The following CAPN14 variants were observed in gnomAD, a reference collection of about 807,000 sequenced individuals.
CAPN14 encodes the protein calpain 14.
A neutral mutation model predicts 101.3 loss-of-function variants in CAPN14; 94 were observed. That is an observed-to-expected ratio of 0.93 (90% confidence interval 0.79 to 1.10). CAPN14 has a LOEUF of 1.10. CAPN14 is among the 50% of genes least tolerant of loss of function. CAPN14 has a pLI of 0.00. For missense variants in CAPN14, 837 were observed against 828.4 expected, an observed-to-expected ratio of 1.01 and a Z score of -0.13; for synonymous variants, 338 against 317.9, an observed-to-expected ratio of 1.06 and a Z score of -0.67.
chr2:31,177,830 A>C lies in CAPN14; in HGVS notation c.1780-9T>G, dbSNP rs1206500259. ...TGCTTGTGGAAAACCTTCTGCAAAG[A>C]ACCAAATAAGAGGTTCAGGAAGCCA... On this transcript the variant is annotated splice_polypyrimidine_tract_variant and intron_variant, in intron 18 of 21. Transcript: ENST00000403897. The C allele has an allele frequency of 2.6e-6, 4 of 1,550,994 alleles. No homozygotes were observed. The highest frequency in any genetic ancestry group is 3.5e-6 in the Non-Finnish European group (4 of 1,146,236).
intron 1 of CAPN14, among the ~76,000 whole-genome samples, chr2:31,227,054 C>T (rs1683043348): frequency 6.6e-6 from 1 of 152,166 alleles, no homozygotes; most frequent in Non-Finnish European, 1.5e-5. Flanking sequence ...AACACCTGTG[C>T]TACAAAAGCA....
intron 17 of CAPN14, among the ~76,000 whole-genome samples, 178 bp downstream of exon 17, chr2:31,180,758 G>C (rs1010394126): frequency 1.3e-5 from 2 of 152,174 alleles, no homozygotes; most frequent in African/African-American, 4.8e-5. Context: ...TACCAAGTAA[G>C]TTTCAACACT....
At chr2:31,214,183 T>C (rs1381599179) in intron 1 of CAPN14, among the ~76,000 whole-genome samples, 2 of 152,190 alleles carry the variant, frequency 1.3e-5, no homozygotes, top group African/African-American at 2.4e-5. Flanking sequence ...TGCTGGCCAA[T>C]TGACTCACTG....
chr2:31,173,182 T>C lies in CAPN14; in HGVS notation c.*1499A>G, dbSNP rs776537232. On this transcript the variant is annotated 3_prime_UTR_variant, in exon 22 of 22. Transcript: ENST00000403897. ...AAGGCTGTAAATACATGATCATCAT[T>C]TATAAAATCAACAACATCTCATGTA... is the stretch of plus-strand genomic sequence containing the variant. The C allele has an allele frequency of 6.6e-6, 1 of 152,228 alleles. No homozygotes were observed. The highest frequency in any genetic ancestry group is 2.1e-4 in the South Asian group (1 of 4,830). 9.4% of individuals were successfully genotyped at this position (152,228 alleles called of 1,614,324 possible).
chr2:31,182,977 C>T (rs577852470), intron 16 of CAPN14, among the ~76,000 whole-genome samples: 4 of 152,102 alleles, frequency 2.6e-5, no homozygotes, highest in African/African-American at 7.2e-5. Context: ...GGTACTGGAA[C>T]CAAAACAGAG....
At chr2:31,189,047 T>C (rs1681047692) in intron 13 of CAPN14, among the ~76,000 whole-genome samples, 1 of 152,230 alleles carries the variant, frequency 6.6e-6, no homozygotes, top group South Asian at 2.1e-4. Flanking sequence ...GTGTTTTATC[T>C]TTTTCTCTCT....
chr2:31,187,779 G>T lies in CAPN14; in HGVS notation c.1566C>A (p.Phe522Leu). Residue 522 changes from phenylalanine (F) to leucine (L), a missense_variant, in exon 15 of 22, where the codon TTC becomes TTA. Phe to Leu is a conservative substitution (Grantham distance 22). Coordinates refer to ENST00000403897, the MANE Select transcript of CAPN14 (RefSeq NM_001145122.2). The stretch of plus-strand genomic sequence containing the variant: ...TAACCTTTTCAAAGAATTTGGTGAA[G>T]AATTCATCCTGCCTTTCATTTTGGT... Reference protein sequence around the residue: ...IEDQNERQDEFFTKFFEKHPE... With the variant: ...IEDQNERQDELFTKFFEKHPE... 3 of 1,551,508 alleles carry T rather than the reference G, an allele frequency of 1.9e-6. No homozygotes were observed. The highest frequency in any genetic ancestry group is 1.2e-5 in the South Asian group (1 of 84,030).
chr2:31,198,522 C>T (rs1201947422), intron 7 of CAPN14, among the ~76,000 whole-genome samples: 2 of 152,122 alleles, frequency 1.3e-5, no homozygotes, highest in Non-Finnish European at 2.9e-5. Context: ...AATGAGTCCA[C>T]GTTTGTAAGG....
At chr2:31,185,470 T>C (rs1179891642) in intron 16 of CAPN14, among the ~76,000 whole-genome samples, 1 of 152,270 alleles carries the variant, frequency 6.6e-6, no homozygotes, top group African/African-American at 2.4e-5. Context: ...AAGCAATTTG[T>C]TCATAAATGC....
At chr2:31,184,610 GA>G (rs1434380989) in intron 16 of CAPN14, among the ~76,000 whole-genome samples, 2 of 152,208 alleles carry the variant, frequency 1.3e-5, no homozygotes, top group African/African-American at 4.8e-5. Context: ...TGCAGAGAAA[GA>G]GGAGTTTTGT....
At chr2:31,220,795 T>C (rs6755194), upstream of CAPN14, among the ~76,000 whole-genome samples, 31,301 of 152,104 alleles carry the variant, frequency 0.21, 5,172 homozygotes, top group African/African-American at 0.46. Flanking sequence ...CGCCACTAAC[T>C]GACAAGTCAT....
chr2:31,214,555 C>T (rs186481913), intron 1 of CAPN14, among the ~76,000 whole-genome samples: 41 of 152,196 alleles, frequency 2.7e-4, no homozygotes, highest in African/African-American at 8.7e-4. Flanking sequence ...GGGGGAGAAG[C>T]GGCAGGAAGT....
Position 31,192,069 on chromosome 2 carries a change from G to T in CAPN14, c.1144C>A (p.Leu382Met). The stretch of plus-strand genomic sequence containing the variant: ...CCCTCCTCGGGCCTCCAGACAGACA[G>T]CAGGAACTGCGGGTTCTTCCAAAAT... ...DTFWKNPQFLLSVWRPEEGRR... is the reference protein window; with the variant it reads ...DTFWKNPQFLMSVWRPEEGRR... Residue 382 changes from leucine (L) to methionine (M), a missense_variant, in exon 11 of 22, where the codon CTG (leucine) becomes ATG (methionine). Leu to Met is a conservative substitution (Grantham distance 15). Transcript: ENST00000403897. 2 of 1,550,558 alleles carry T rather than the reference G, an allele frequency of 1.3e-6. No individual in the cohort carries two copies. Among genetic ancestry groups the T allele is most frequent in the Non-Finnish European group, 1.7e-6 (2 of 1,146,454 alleles).
intron 1 of CAPN14, among the ~76,000 whole-genome samples, chr2:31,210,753 T>C (rs1164367010): frequency 1.3e-5 from 2 of 152,200 alleles, no homozygotes; most frequent in East Asian, 3.8e-4. Flanking sequence ...AAAGTGAATA[T>C]ATTATACATT....
chr2:31,205,310 G>A lies in CAPN14; in HGVS notation c.138C>T (p.Asp46=), dbSNP rs1449466700. The change falls in exon 2 of 22, where the codon GAC becomes GAT. Residue 46 remains aspartate, a synonymous_variant. Coordinates refer to ENST00000403897, the MANE Select transcript of CAPN14 (RefSeq NM_001145122.2). The part of the protein sequence containing the change: ...ECLRNGCLFE[D]TSFPATLSSI... The stretch of plus-strand genomic sequence containing the variant: ...AGCTCAGGGTGGCCGGGAAGCTGGT[G>A]TCTTCAAAGAGGCAGCCATTCCTCA... 5.8e-6 allele frequency: 9 copies of A among 1,550,872 alleles called. No homozygotes were observed. The Admixed American group carries it at 1.2e-4, about 20-fold the overall frequency.
Position 31,202,152 on chromosome 2 carries a change from A to T in CAPN14, c.396T>A (p.Ala132=). 6.4e-7 allele frequency: 1 copy of T among 1,551,876 alleles called. No homozygotes were observed. The highest frequency in any genetic ancestry group is 1.2e-5 in the South Asian group (1 of 84,060). The part of the protein sequence containing the change: ...PLNQSFTEKY[A]GIFRFWFWHY... ...CACTCACCCAGAACCGGAAGATGCC[A>T]GCATACTTCTCAGTGAAACTCTGAT... The change falls in exon 4 of 22, where the codon GCT becomes GCA. Residue 132 remains alanine, a synonymous_variant. Transcript: ENST00000403897.
At chr2:31,231,498 T>C (rs1175572554) in intron 1 of CAPN14, among the ~76,000 whole-genome samples, 2 of 152,254 alleles carry the variant, frequency 1.3e-5, no homozygotes, top group African/African-American at 4.8e-5. Flanking sequence ...GAACACAGTA[T>C]CTTTTTTGAA....
Position 31,200,502 on chromosome 2 carries a change from G to A in CAPN14, c.675C>T (p.Leu225=). The A allele has an allele frequency of 6.4e-7, 1 of 1,551,378 alleles. No individual in the cohort carries two copies. The highest frequency in any genetic ancestry group is 8.7e-7 in the Non-Finnish European group (1 of 1,146,992). ...GGGTTCTGTTGTAGGTGGCTTCGAT[G>A]AGGATGTCCCAGAGGTTGCCATGGG... The part of the protein sequence containing the change: ...AEAHGNLWDI[L]IEATYNRTLI... The change falls in exon 6 of 22, where the codon CTC becomes CTT. Residue 225 remains leucine, a synonymous_variant. Transcript: ENST00000403897.
intron 16 of CAPN14, 87 bp downstream of exon 16, chr2:31,186,341 A>T: frequency 1.1e-6 from 1 of 907,450 alleles, no homozygotes; most frequent in Non-Finnish European, 1.7e-6. Context: ...TAATTCACAC[A>T]TCCCACCAAG....
Sources: gnomAD v4.1 joint callset for allele counts (sites outside exome capture counted in the v4.1 genomes callset) on GRCh38, gnomAD v4.1.1 for gene constraint, MANE v1.5 for transcripts, NCBI Gene and HGNC (gene_info 2026-07-23, HGNC 2026-07-21) for gene names.